Variants in EFCAB6 observed in about 807,000 individuals in gnomAD.
EFCAB6 encodes the protein EF-hand calcium-binding domain-containing protein 6.
EFCAB6 carries 156 observed loss-of-function variants against 169.8 expected under a neutral mutation model. That is an observed-to-expected ratio of 0.92 (90% CI 0.81 to 1.05). The LOEUF is 1.05. EFCAB6 is among the 50% of genes least tolerant of loss of function. The pLI, the probability that EFCAB6 is intolerant of heterozygous loss-of-function variation, is 0.00. For synonymous variants in EFCAB6, 698 were observed against 676.4 expected, an observed-to-expected ratio of 1.03 and a Z score of -0.50; for missense variants, 1,800 against 1,829.1, an observed-to-expected ratio of 0.98 and a Z score of 0.29.
intron 24 of EFCAB6, among the ~76,000 whole-genome samples, chr22:43,588,480 C>T (rs947146013): frequency 6.6e-6 from 1 of 151,534 alleles, no homozygotes; most frequent in Non-Finnish European, 1.5e-5. Context: ...GTAGCAGAAA[C>T]AAAAATCTCA....
At chr22:43,757,569 A>G (rs763255943) in intron 5 of EFCAB6, among the ~76,000 whole-genome samples, 1 of 152,166 alleles carries the variant, frequency 6.6e-6, no homozygotes, top group Non-Finnish European at 1.5e-5. Context: ...GGAATTAAAT[A>G]ATAAAAATTA....
chr22:43,786,435 A>C (rs2062080591), intron 2 of EFCAB6, among the ~76,000 whole-genome samples: 1 of 151,338 alleles, frequency 6.6e-6, no homozygotes, highest in South Asian at 2.1e-4. Flanking sequence ...AGAAAAAAAG[A>C]AAGTGGCCGG....
chr22:43,738,075 C>T (rs28971429), intron 6 of EFCAB6, among the ~76,000 whole-genome samples: 56,113 of 150,752 alleles, frequency 0.37, 11,080 homozygotes, highest in African/African-American at 0.48. Flanking sequence ...TATATTCACA[C>T]ACACATACAT....
chr22:43,709,712 G>C (rs2059089621), intron 10 of EFCAB6, among the ~76,000 whole-genome samples: 1 of 152,128 alleles, frequency 6.6e-6, no homozygotes, highest in Non-Finnish European at 1.5e-5. Context: ...ATTATTATTT[G>C]CATAATTTTG....
chr22:43,689,780 G>A (rs569622058), intron 10 of EFCAB6, among the ~76,000 whole-genome samples: 8 of 152,228 alleles, frequency 5.3e-5, no homozygotes, highest in African/African-American at 1.9e-4. Context: ...ACCTCTACTC[G>A]TGCCTGTAAC....
chr22:43,624,805 G>GT (rs1241570711), intron 20 of EFCAB6, among the ~76,000 whole-genome samples: 1 of 152,182 alleles, frequency 6.6e-6, no homozygotes, highest in Non-Finnish European at 1.5e-5. Flanking sequence ...TAGGCCCTTA[G>GT]TAAATATTTG....
intron 6 of EFCAB6, among the ~76,000 whole-genome samples, chr22:43,749,911 A>G (rs905784410): frequency 6.6e-6 from 1 of 152,186 alleles, no homozygotes; most frequent in Non-Finnish European, 1.5e-5. Flanking sequence ...AAACCTTGCA[A>G]TATTGTTCAC....
chr22:43,776,593 G>A (rs2061649168), intron 3 of EFCAB6, among the ~76,000 whole-genome samples: 2 of 152,216 alleles, frequency 1.3e-5, no homozygotes, highest in African/African-American at 4.8e-5. Context: ...GAGCCAGCCA[G>A]TCAAGAAGCT....
intron 26 of EFCAB6, among the ~76,000 whole-genome samples, chr22:43,570,827 C>T (rs1255709355): frequency 6.6e-6 from 1 of 152,206 alleles, no homozygotes; most frequent in South Asian, 2.1e-4. Flanking sequence ...TCTGTGCCTC[C>T]TGGGCTGGTT....
Position 43,652,133 on chromosome 22 carries a change from T to A in EFCAB6, c.1983+14971A>T, listed in dbSNP as rs1439605664. 2.0e-5 allele frequency among the ~76,000 whole-genome samples: 3 copies of A among 152,198 alleles called. No homozygotes were observed. The South Asian group carries it at 6.2e-4, about 32-fold the overall frequency. On this transcript the variant is annotated intron_variant, in intron 17 of 31. Transcript: ENST00000262726. ...GGGCCAGGGGCAGAATGATATGGTT[T>A]AGCTGTGTCCCCACCCAAATCTCAT...
In EFCAB6 at chr22:43,668,326, G is replaced by A. The variant is rs550033898; in HGVS notation, c.1814+546C>T. ...AATATCTTTTCATTAAACTAAACCTGTATTTTTAAAATGAAGAAGAGCTAG... is the reference window on the plus strand; with the variant it reads ...AATATCTTTTCATTAAACTAAACCTATATTTTTAAAATGAAGAAGAGCTAG... On this transcript the variant is annotated intron_variant, in intron 16 of 31. Transcript: ENST00000262726. Among the ~76,000 whole-genome samples the A allele has an allele frequency of 8.5e-5, 13 of 152,228 alleles. No individual in the cohort carries two copies. In the South Asian group the frequency reaches 2.5e-3, roughly 29 times the overall value.
At chr22:43,604,818 A>C (rs1465552853) in intron 22 of EFCAB6, among the ~76,000 whole-genome samples, 7 of 152,110 alleles carry the variant, frequency 4.6e-5, no homozygotes, top group Non-Finnish European at 8.8e-5. Context: ...ATGTGCATAA[A>C]TTGGGCATTA....
chr22:43,716,335 A>G (rs2059331154), intron 9 of EFCAB6, among the ~76,000 whole-genome samples: 1 of 152,212 alleles, frequency 6.6e-6, no homozygotes, highest in South Asian at 2.1e-4. Context: ...AGAGTGGTTC[A>G]TTAGCCAACT....
chr22:43,554,734 A>T lies in EFCAB6; in HGVS notation c.3648+135T>A, dbSNP rs1032579474. ...AAGATTCCTGTGAATCTTCAGGAAG[A>T]TTGAAAAACAAAATAACAAAACTGC... On this transcript the variant is annotated intron_variant, in intron 27 of 31. Transcript: ENST00000262726. 5.4e-6 allele frequency: 4 copies of T among 738,950 alleles called. No homozygotes were observed. In the South Asian group the frequency reaches 7.4e-5, roughly 14 times the overall value. 45.8% of individuals were successfully genotyped at this position (738,950 alleles called of 1,614,324 possible). A position where few individuals can be genotyped will look rare whatever the true frequency, so the allele number is the denominator to read the frequency against.
intron 21 of EFCAB6, among the ~76,000 whole-genome samples, chr22:43,611,010 A>G (rs1480050255): frequency 2.0e-5 from 3 of 152,234 alleles, no homozygotes; most frequent in Non-Finnish European, 4.4e-5. Flanking sequence ...CTTTACAGGA[A>G]CTTATGTCAG....
chr22:43,601,600 G>A (rs73172055), intron 22 of EFCAB6, among the ~76,000 whole-genome samples: 6,624 of 152,302 alleles, frequency 0.043, 162 homozygotes, highest in African/African-American at 0.067. Flanking sequence ...GAGGATCTAC[G>A]GAACCCACAG....
At chr22:43,785,693 A>G (rs1345157083) in intron 2 of EFCAB6, among the ~76,000 whole-genome samples, 11 of 152,298 alleles carry the variant, frequency 7.2e-5, no homozygotes, top group African/African-American at 2.6e-4. Flanking sequence ...GAATAGAAAA[A>G]TAGACAAAAC....
chr22:43,703,815 G>A (rs1231738689), intron 10 of EFCAB6, among the ~76,000 whole-genome samples: 1 of 151,794 alleles, frequency 6.6e-6, no homozygotes. Flanking sequence ...GATCCAATCA[G>A]AGGAACAAAA....
chr22:43,762,471 T>C (rs916962635), intron 5 of EFCAB6, among the ~76,000 whole-genome samples: 3 of 152,216 alleles, frequency 2.0e-5, no homozygotes, highest in African/African-American at 7.2e-5. Flanking sequence ...GTTTGGCCTC[T>C]GAAGATTCCA....
Sources: gnomAD v4.1 joint callset for allele counts (sites outside exome capture counted in the v4.1 genomes callset) on GRCh38, gnomAD v4.1.1 for gene constraint, MANE v1.5 for transcripts, NCBI Gene and HGNC (gene_info 2026-07-23, HGNC 2026-07-21) for gene names.